The following ANO4 variants were observed in gnomAD, a reference collection of about 807,000 sequenced individuals.
The protein encoded by ANO4 is anoctamin-4.
A neutral mutation model predicts 141.9 loss-of-function variants in ANO4; 69 were observed. The ratio of observed to expected loss-of-function variants is 0.49; its 90% CI spans 0.40 to 0.59. The LOEUF (loss-of-function observed/expected upper bound fraction) is 0.59, where lower values mean the gene tolerates loss of function less well. ANO4 is among the 20% of genes least tolerant of loss of function. The pLI is 0.00. For synonymous variants in ANO4, 350 were observed against 394.3 expected (o/e 0.89, Z 1.33); for missense variants, 894 against 1,162.2 (o/e 0.77, Z 3.36).
chr12:100,793,886 C>G (rs375493029), upstream of ANO4, among the ~76,000 whole-genome samples: 10 of 152,316 alleles, frequency 6.6e-5, no homozygotes, highest in South Asian at 2.1e-3. Flanking sequence ...ACGCATCCTT[C>G]ATTTATCACC....
At chr12:101,050,023 C>T (rs2047796233) in intron 14 of ANO4, among the ~76,000 whole-genome samples, 1 of 151,782 alleles carries the variant, frequency 6.6e-6, no homozygotes, top group Admixed American at 6.6e-5. Flanking sequence ...ATACAGAGGG[C>T]AGGAGGGAGG....
chr12:101,059,494 C>T (rs780769827), intron 14 of ANO4, among the ~76,000 whole-genome samples: 6 of 152,026 alleles, frequency 3.9e-5, no homozygotes, highest in Non-Finnish European at 7.4e-5. Flanking sequence ...CTGGTCCTGG[C>T]CTTTGTTTGG....
intron 8 of ANO4, among the ~76,000 whole-genome samples, chr12:100,988,865 T>C (rs1814853): frequency 0.82 from 107,315 of 130,996 alleles, 44,185 homozygotes; most frequent in African/African-American, 0.86. Flanking sequence ...AGTGAGACTC[T>C]GTCTCAGAAA....
intron 17 of ANO4, among the ~76,000 whole-genome samples, chr12:101,087,169 C>T (rs570118624): frequency 8.7e-4 from 132 of 152,102 alleles, no homozygotes; most frequent in Non-Finnish European, 1.5e-3. Context: ...CACAGCATTG[C>T]AATGTTGGTT....
intron 22 of ANO4, among the ~76,000 whole-genome samples, 197 bp from the exon 23 acceptor site, chr12:101,110,207 C>T (rs1181166721): frequency 2.0e-5 from 3 of 152,114 alleles, no homozygotes; most frequent in Admixed American, 2.0e-4. Context: ...TCATAGCTCC[C>T]AGGATTCCGT....
rs533829301 is a variant in ANO4, at chr12:100,992,902, C to G, written c.734+5232C>G. On this transcript the variant is annotated intron_variant, in intron 8 of 27. Transcript: ENST00000392977. ...TTAAAGTTGAGAATCTATTAAAAAA[C>G]AAATACCTGCCAGCCACAGTGTCTC... Among the ~76,000 whole-genome samples the G allele has an allele frequency of 1.2e-4, 18 of 152,228 alleles. No individual in the cohort carries two copies. The South Asian group carries it at 2.1e-3, about 18-fold the overall frequency.
intron 5 of ANO4, among the ~76,000 whole-genome samples, chr12:100,966,499 A>G (rs919639471): frequency 3.9e-5 from 6 of 152,118 alleles, no homozygotes; most frequent in African/African-American, 1.4e-4. Flanking sequence ...CTATACTCCC[A>G]TAGTGGCCTC....
intron 2 of ANO4, chr12:100,739,726 A>G (rs1838256416): frequency 1.6e-6 from 1 of 632,794 alleles, no homozygotes; most frequent in South Asian, 1.8e-5. Flanking sequence ...CCTGTTTATT[A>G]TGAACATGCA....
At chr12:100,823,288 A>G (rs2036153780) in intron 1 of ANO4, among the ~76,000 whole-genome samples, 2 of 152,058 alleles carry the variant, frequency 1.3e-5, no homozygotes, top group Admixed American at 6.6e-5. Context: ...AAGGCAAGCC[A>G]GCTCAAATCT....
upstream of ANO4, among the ~76,000 whole-genome samples, chr12:100,793,302 A>G (rs1457833127): frequency 6.6e-6 from 1 of 152,198 alleles, no homozygotes; most frequent in Non-Finnish European, 1.5e-5. Context: ...CTGGCAAACT[A>G]TCCTTTCTTC....
intron 13 of ANO4, among the ~76,000 whole-genome samples, chr12:101,044,327 A>G (rs916551404): frequency 5.9e-5 from 9 of 152,236 alleles, no homozygotes; most frequent in Non-Finnish European, 1.2e-4. Flanking sequence ...GAGAAAAAAA[A>G]TACATGACAC....
intron 14 of ANO4, among the ~76,000 whole-genome samples, chr12:101,069,704 G>T (rs907384590): frequency 6.6e-6 from 1 of 152,054 alleles, no homozygotes; most frequent in African/African-American, 2.4e-5. Flanking sequence ...TTACTCCCCT[G>T]GTAGTCATCT....
At chr12:100,795,804 CTAGGAGAACA>C (rs1403786714) in intron 1 of ANO4, among the ~76,000 whole-genome samples, 4 of 152,168 alleles carry the variant, frequency 2.6e-5, no homozygotes, top group Non-Finnish European at 4.4e-5. Context: ...TTAGACTTTT[CTAGGAGAACA>C]TAAGCAGGTT....
intron 1 of ANO4, among the ~76,000 whole-genome samples, chr12:100,816,002 CAATG>C (rs2035718096): frequency 6.6e-6 from 1 of 152,068 alleles, no homozygotes; most frequent in East Asian, 1.9e-4. Flanking sequence ...CTTTTAAAGA[CAATG>C]AAGTTAATTT....
chr12:100,831,534 T>C (rs973526915), intron 1 of ANO4, among the ~76,000 whole-genome samples: 11 of 151,982 alleles, frequency 7.2e-5, no homozygotes, highest in Admixed American at 5.9e-4. Context: ...TGGATGGGGA[T>C]AGGGAGAAAG....
At chr12:100,736,128 G>T (rs555791979) in intron 2 of ANO4, among the ~76,000 whole-genome samples, 2 of 152,242 alleles carry the variant, frequency 1.3e-5, no homozygotes, top group South Asian at 4.1e-4. Context: ...CATCGTGAGA[G>T]CCACGTGAGT....
At chr12:100,801,492 A>T (rs1459041112) in intron 1 of ANO4, among the ~76,000 whole-genome samples, 1 of 132,106 alleles carries the variant, frequency 7.6e-6, no homozygotes, top group Non-Finnish European at 1.6e-5. Flanking sequence ...AGTACCAAGG[A>T]ATGAAAGATT....
At chr12:101,008,555 A>G (rs1462603548) in intron 8 of ANO4, among the ~76,000 whole-genome samples, 1 of 152,202 alleles carries the variant, frequency 6.6e-6, no homozygotes, top group African/African-American at 2.4e-5. Flanking sequence ...CACTATTTAC[A>G]TAATGACTAT....
chr12:100,875,166 C>A (rs1468820904), intron 1 of ANO4, among the ~76,000 whole-genome samples: 1 of 152,122 alleles, frequency 6.6e-6, no homozygotes, highest in South Asian at 2.1e-4. Flanking sequence ...GCCTGCCCAC[C>A]TCATGTCGAA....
Sources: allele counts gnomAD v4.1 joint callset (sites outside exome capture counted in the v4.1 genomes callset), GRCh38; gene constraint gnomAD v4.1.1; transcripts MANE v1.5; gene names NCBI Gene and HGNC (gene_info 2026-07-23, HGNC 2026-07-21).